CASK: variants seen among roughly 807,000 people sequenced by gnomAD.
CASK encodes the protein calcium/calmodulin dependent serine protein kinase.
In CASK, 4 loss-of-function variants were observed where a neutral mutation model predicts 82.9. The observed-to-expected ratio is 0.05, with a 90% CI of 0.02 to 0.11. The LOEUF is 0.11. CASK is among the 10% of genes least tolerant of loss of function. The pLI is 1.00. For missense variants in CASK, 358 were observed against 720.9 expected (o/e 0.50, Z 5.76); for synonymous variants, 259 against 253.5 (o/e 1.02, Z -0.20).
chrX:41,639,848 T>C lies in CASK; in HGVS notation c.832-3187A>G, dbSNP rs144551704. Among the ~76,000 whole-genome samples the C allele has an allele frequency of 2.7e-3, 299 of 111,991 alleles. 1 individual carries two copies. The East Asian group carries it at 0.045, about 17-fold the overall frequency. On this transcript the variant is annotated intron_variant, in intron 8 of 26. Coordinates refer to ENST00000378163, the MANE Select transcript of CASK (RefSeq NM_001367721.1). ...ATCATATAGTATGTGCTCATTATTG[T>C]CCAGCTTCTTTCATATAGCATAATG...
At chrX:41,789,459 G>A (rs1014810731) in intron 2 of CASK, among the ~76,000 whole-genome samples, 1 of 111,474 alleles carries the variant, frequency 9.0e-6, no homozygotes, top group Non-Finnish European at 1.9e-5. Flanking sequence ...AGAGGCACAG[G>A]AAAGATGCCT....
intron 4 of CASK, chrX:41,743,565 A>G (rs910152657): frequency 3.1e-5 from 9 of 288,779 alleles, no homozygotes; most frequent in Non-Finnish European, 4.8e-5. Flanking sequence ...CACATTGAGC[A>G]TATTCTTTAT....
intron 2 of CASK, among the ~76,000 whole-genome samples, chrX:41,829,753 A>G (rs1171965526): frequency 3.6e-5 from 2 of 55,103 alleles, no homozygotes; most frequent in Non-Finnish European, 6.0e-5. Context: ...ATATATATAT[A>G]TATGTCAGCT....
intron 5 of CASK, among the ~76,000 whole-genome samples, chrX:41,717,225 T>C (rs935192217): frequency 8.9e-6 from 1 of 112,543 alleles, no homozygotes; most frequent in Admixed American, 9.4e-5. Flanking sequence ...TCCTTTGTTC[T>C]GTGTGCTCTC....
At chrX:41,553,669 AG>A in intron 21 of CASK, 49 bp downstream of exon 21, 1 of 944,897 alleles carries the variant, frequency 1.1e-6, no homozygotes, top group Non-Finnish European at 1.5e-6. Context: ...ATGGATGGTC[AG>A]GGCTTTGTTT....
intron 13 of CASK, 136 bp from the exon 14 acceptor site, chrX:41,587,123 T>C (rs1289658161): frequency 2.2e-6 from 1 of 456,693 alleles, no homozygotes; most frequent in African/African-American, 2.4e-5. Flanking sequence ...TTTCATTTTA[T>C]TCAAATGTTA....
chrX:41,740,433 T>C (rs1195891810), intron 4 of CASK, among the ~76,000 whole-genome samples: 5 of 107,477 alleles, frequency 4.7e-5, no homozygotes, highest in African/African-American at 1.4e-4. Flanking sequence ...ATATTTCTGA[T>C]ACAAGTGACC....
intron 12 of CASK, among the ~76,000 whole-genome samples, chrX:41,595,414 G>A (rs1320066702): frequency 1.8e-5 from 2 of 110,591 alleles, no homozygotes; most frequent in Admixed American, 9.7e-5. Context: ...GACCAACCTC[G>A]GCAAGATAGT....
chrX:41,550,177 T>C (rs1329556620), intron 21 of CASK, among the ~76,000 whole-genome samples: 1 of 111,254 alleles, frequency 9.0e-6, no homozygotes, highest in Non-Finnish European at 1.9e-5. Flanking sequence ...AAGAAAAACA[T>C]ATTCATTACC....
chrX:41,702,041 G>A (rs1326126363), intron 5 of CASK, among the ~76,000 whole-genome samples: 1 of 109,837 alleles, frequency 9.1e-6, no homozygotes, highest in African/African-American at 3.3e-5. Context: ...AATATGTATT[G>A]GGGGTAAAAA....
At chrX:41,555,796 A>C (rs2065153120) in intron 19 of CASK, 161 bp from the exon 20 acceptor site, 1 of 460,271 alleles carries the variant, frequency 2.2e-6, no homozygotes, top group East Asian at 3.9e-5. Flanking sequence ...TTGAGTTATC[A>C]AAAAGTCAAA....
intron 12 of CASK, among the ~76,000 whole-genome samples, chrX:41,590,444 A>G (rs1371402245): frequency 2.1e-5 from 2 of 95,169 alleles, no homozygotes; most frequent in African/African-American, 7.7e-5. Context: ...TGAGAGGTGA[A>G]GGTTGCAGTG....
At chrX:41,735,031 T>C (rs2068473788) in intron 5 of CASK, among the ~76,000 whole-genome samples, 1 of 111,138 alleles carries the variant, frequency 9.0e-6, no homozygotes, top group Non-Finnish European at 1.9e-5. Flanking sequence ...AAATACCTTT[T>C]GTAAAAAAGT....
chrX:41,836,487 T>C (rs752997432), intron 2 of CASK, among the ~76,000 whole-genome samples: 17 of 108,359 alleles, frequency 1.6e-4, no homozygotes, highest in Non-Finnish European at 3.3e-4. Context: ...TAATTAATAA[T>C]ACCAATGCTC....
chrX:41,923,083 C>T lies in CASK; in HGVS notation c.-95G>A, dbSNP rs907708587. 5.2e-6 allele frequency: 4 copies of T among 762,750 alleles called. No homozygotes were observed. The highest frequency in any genetic ancestry group is 7.9e-6 in the Non-Finnish European group (4 of 504,882). The allele number at this position is 762,750 out of a possible 1,213,427, so 62.9% of individuals were successfully genotyped here. On this transcript the variant is annotated 5_prime_UTR_variant, in exon 1 of 27. Transcript: ENST00000378163. ...GTGCCCAGCCCCGGGATCGCCTCCT[C>T]CCCTCAGGACCCGCGAGCCCTCGGT...
In CASK at chrX:41,531,219, C is replaced by T; in HGVS notation, c.2318-10G>A. The T allele has an allele frequency of 5.1e-6, 6 of 1,187,047 alleles. No homozygotes were observed. Among genetic ancestry groups the T allele is most frequent in the South Asian group, 1.8e-5 (1 of 56,404 alleles). On this transcript the variant is annotated splice_polypyrimidine_tract_variant and intron_variant, in intron 24 of 26. Coordinates refer to ENST00000378163, the MANE Select transcript of CASK (RefSeq NM_001367721.1). ...GGAGGTCTGGTTGTATCTGCAAAGT[C>T]GCATGGCACAAGAGGTTTAAAAGGC...
chrX:41,909,325 T>C (rs2072521795), intron 1 of CASK, among the ~76,000 whole-genome samples: 1 of 112,144 alleles, frequency 8.9e-6, no homozygotes, highest in Admixed American at 9.4e-5. Context: ...TTGTAGTAAG[T>C]TCCACACATC....
intron 3 of CASK, among the ~76,000 whole-genome samples, chrX:41,764,322 T>C (rs1245901585): frequency 2.2e-4 from 24 of 110,596 alleles, no homozygotes; most frequent in Non-Finnish European, 3.8e-5. Context: ...CCTCCAAAAT[T>C]TGGAAGAACC....
At chrX:41,688,564 A>C (rs2147546379) in intron 5 of CASK, among the ~76,000 whole-genome samples, 1 of 111,999 alleles carries the variant, frequency 8.9e-6, no homozygotes, top group East Asian at 2.8e-4. Context: ...TGTTTTAGCA[A>C]AGGTCTTAAA....
Sources: allele counts gnomAD v4.1 joint callset (sites outside exome capture counted in the v4.1 genomes callset), GRCh38; gene constraint gnomAD v4.1.1; transcripts MANE v1.5; gene names NCBI Gene and HGNC (gene_info 2026-07-23, HGNC 2026-07-21).